The following LRRC69 variants were observed in gnomAD, a reference collection of about 807,000 sequenced individuals.
LRRC69 encodes leucine-rich repeat-containing protein 69.
Under a neutral mutation model 37.8 loss-of-function variants are expected in LRRC69, and 42 were observed. The ratio of observed to expected loss-of-function variants is 1.11; its 90% confidence interval spans 0.87 to 1.44. The LOEUF (loss-of-function observed/expected upper bound fraction) is 1.44. Ranked by LOEUF, LRRC69 falls within the 40% of genes most tolerant of loss-of-function variation. The pLI is 0.00. For missense variants in LRRC69, 357 were observed against 401.9 expected (o/e 0.89, Z 0.96); for synonymous variants, 141 against 143.1 (o/e 0.99, Z 0.11).
chr8:91,150,011 A>G (rs1393641229), intron 5 of LRRC69, among the ~76,000 whole-genome samples: 1 of 152,034 alleles, frequency 6.6e-6, no homozygotes, highest in Non-Finnish European at 1.5e-5. Flanking sequence ...TTCTAGATAT[A>G]TAATCATGTC....
intron 6 of LRRC69, among the ~76,000 whole-genome samples, chr8:91,191,588 T>G (rs1044419865): frequency 6.6e-6 from 1 of 152,042 alleles, no homozygotes; most frequent in Non-Finnish European, 1.5e-5. Flanking sequence ...ACTTAAGCAG[T>G]TGGGTTCCAG....
intron 5 of LRRC69, among the ~76,000 whole-genome samples, chr8:91,163,078 A>G (rs1808972582): frequency 6.6e-6 from 1 of 151,254 alleles, no homozygotes. Context: ...TCTATCTTAT[A>G]TTCCCATGGT....
In LRRC69 at chr8:91,135,740, G is replaced by A. The variant is rs1813901750; in HGVS notation, c.651+1G>A. 7 of 1,399,030 alleles carry A rather than the reference G, an allele frequency of 5.0e-6. No homozygotes were observed. Among genetic ancestry groups the A allele is most frequent in the Non-Finnish European group, 6.6e-6 (7 of 1,066,590 alleles). 86.7% of individuals were successfully genotyped at this position (1,399,030 alleles called of 1,614,324 possible). A position where few individuals can be genotyped will look rare whatever the true frequency, so the allele number is the denominator to read the frequency against. On this transcript the variant is annotated splice_donor_variant, in intron 5 of 7. Transcript: ENST00000448384. LOFTEE classifies it high-confidence loss of function. ...TATTATTCAGATATTTCCATCAGGA[G>A]TAAGTAGAGTCAACTTCCATTATAA...
intron 2 of LRRC69, among the ~76,000 whole-genome samples, chr8:91,126,636 C>T (rs1167393579): frequency 1.3e-5 from 2 of 151,862 alleles, no homozygotes; most frequent in African/African-American, 4.8e-5. Flanking sequence ...TGTCAATGAA[C>T]ATTCAAATTC....
At chr8:91,171,258 T>G (rs1384694401) in intron 5 of LRRC69, among the ~76,000 whole-genome samples, 1 of 151,204 alleles carries the variant, frequency 6.6e-6, no homozygotes, top group Non-Finnish European at 1.5e-5. Context: ...ACTTTATTCC[T>G]CTAATAACCT....
chr8:91,188,972 G>A (rs1214823065), intron 5 of LRRC69, among the ~76,000 whole-genome samples: 1 of 151,722 alleles, frequency 6.6e-6, no homozygotes, highest in Non-Finnish European at 1.5e-5. Context: ...TTATGGGCAT[G>A]TACCACCACA....
At chr8:91,156,892 G>A (rs928326221) in intron 5 of LRRC69, among the ~76,000 whole-genome samples, 1 of 150,966 alleles carries the variant, frequency 6.6e-6, no homozygotes, top group African/African-American at 2.4e-5. Context: ...TTCAGTGTAT[G>A]TTCCTGGCAC....
At chr8:91,136,414 A>C (rs1400736923) in intron 5 of LRRC69, among the ~76,000 whole-genome samples, 2 of 152,018 alleles carry the variant, frequency 1.3e-5, no homozygotes, top group Non-Finnish European at 2.9e-5. Context: ...CTCCTAGAGC[A>C]ATATTTTATA....
chr8:91,213,144 CA>C (rs555181389), intron 7 of LRRC69, among the ~76,000 whole-genome samples: 48 of 152,128 alleles, frequency 3.2e-4, no homozygotes, highest in Admixed American at 1.6e-3. Flanking sequence ...ATTGATTATG[CA>C]GGGGGTGCTG....
At chr8:91,198,756 A>G (rs1336796751) in intron 6 of LRRC69, among the ~76,000 whole-genome samples, 2 of 152,136 alleles carry the variant, frequency 1.3e-5, no homozygotes, top group Non-Finnish European at 2.9e-5. Flanking sequence ...TAACACTGGA[A>G]TTAGACCATC....
intron 5 of LRRC69, among the ~76,000 whole-genome samples, chr8:91,166,656 T>TAA (rs1809036793): frequency 6.6e-6 from 1 of 151,794 alleles, no homozygotes; most frequent in South Asian, 2.1e-4. Flanking sequence ...TAGCTTGTGT[T>TAA]AAATATTAGC....
intron 1 of LRRC69, among the ~76,000 whole-genome samples, chr8:91,123,368 T>A (rs1304680439): frequency 6.6e-6 from 1 of 152,062 alleles, no homozygotes; most frequent in Non-Finnish European, 1.5e-5. Flanking sequence ...AACATGGTAG[T>A]AGATGTATTA....
intron 5 of LRRC69, among the ~76,000 whole-genome samples, chr8:91,144,313 T>C (rs4128119): frequency 0.52 from 78,713 of 151,712 alleles, 22,488 homozygotes; most frequent in South Asian, 0.7. Flanking sequence ...CACTCTGCTT[T>C]CTATTCCCCA....
At chr8:91,152,044 G>A (rs1279246334) in intron 5 of LRRC69, among the ~76,000 whole-genome samples, 1 of 151,404 alleles carries the variant, frequency 6.6e-6, no homozygotes, top group African/African-American at 2.4e-5. Context: ...TTAGACCTTT[G>A]TCAGATGGGT....
intron 5 of LRRC69, among the ~76,000 whole-genome samples, chr8:91,150,961 T>C (rs1403281662): frequency 6.6e-6 from 1 of 151,970 alleles, no homozygotes; most frequent in Non-Finnish European, 1.5e-5. Flanking sequence ...TTGTGTCTGT[T>C]TCATTCTTCT....
intron 5 of LRRC69, among the ~76,000 whole-genome samples, chr8:91,147,462 G>T (rs1359026977): frequency 6.6e-6 from 1 of 150,930 alleles, no homozygotes; most frequent in East Asian, 2.0e-4. Flanking sequence ...TTGAGACGAG[G>T]TCTCACTATT....
intron 1 of LRRC69, among the ~76,000 whole-genome samples, chr8:91,115,505 A>T (rs1813495767): frequency 6.6e-6 from 1 of 151,966 alleles, no homozygotes; most frequent in African/African-American, 2.4e-5. Context: ...ATTTTTTAAA[A>T]TACTGTGTCT....
chr8:91,148,701 A>C (rs1808669931), intron 5 of LRRC69, among the ~76,000 whole-genome samples: 1 of 151,988 alleles, frequency 6.6e-6, no homozygotes, highest in Non-Finnish European at 1.5e-5. Context: ...TCCCACCAAC[A>C]GTGTAAAAGC....
At chr8:91,211,126 G>A (rs1258586367) in intron 7 of LRRC69, among the ~76,000 whole-genome samples, 2 of 152,086 alleles carry the variant, frequency 1.3e-5, no homozygotes, top group South Asian at 2.1e-4. Context: ...AACTCAAAAT[G>A]TAGACTTATA....
Sources: allele counts gnomAD v4.1 joint callset (sites outside exome capture counted in the v4.1 genomes callset), GRCh38; gene constraint gnomAD v4.1.1; transcripts MANE v1.5; gene names NCBI Gene and HGNC (gene_info 2026-07-23, HGNC 2026-07-21).